SORCS2: variants seen among roughly 807,000 people sequenced by gnomAD.
SORCS2 encodes the protein sortilin related VPS10 domain containing receptor 2, also known as VPS10 domain-containing receptor SorCS2.
SORCS2 carries 100 observed loss-of-function variants against 141.6 expected under a neutral mutation model. The ratio of observed to expected loss-of-function variants is 0.71; its 90% CI spans 0.60 to 0.83. The LOEUF is 0.83. SORCS2 is among the 40% of genes least tolerant of loss of function. The pLI is 0.00. For missense variants in SORCS2, 1,646 were observed against 1,560.2 expected (o/e 1.05, Z -0.93); for synonymous variants, 789 against 676.9 (o/e 1.17, Z -2.57).
chr4:7,664,390 C>T lies in SORCS2; in HGVS notation c.990C>T (p.Ser330=), dbSNP rs187216479. 5.7e-5 allele frequency: 92 copies of T among 1,613,810 alleles called. No homozygotes were observed. The highest frequency in any genetic ancestry group is 1.6e-4 in the Middle Eastern group (1 of 6,062). Residue 330 remains serine (S), a synonymous_variant, in exon 7 of 27, where the codon TCC becomes TCT. Coordinates refer to ENST00000507866, the MANE Select transcript of SORCS2 (RefSeq NM_020777.3). The surrounding 1 kb of genome is among the most constrained non-coding windows in gnomAD (Gnocchi z 4.7). ...RYVTCAIHNC[S]EKMLTAPFAG... is the part of the protein sequence containing the mutation. ...TCACCTGCGCAATCCACAATTGCTC[C>T]GAGAAGATGCTGACAGCCCCATTCG...
chr4:7,222,336 C>T (rs374194215), intron 1 of SORCS2, among the ~76,000 whole-genome samples: 5 of 152,130 alleles, frequency 3.3e-5, no homozygotes, highest in Non-Finnish European at 5.9e-5. Flanking sequence ...ACACCTGATA[C>T]GTGATGAACC....
chr4:7,392,003 G>A (rs998997982), intron 1 of SORCS2, among the ~76,000 whole-genome samples: 1 of 152,154 alleles, frequency 6.6e-6, no homozygotes, highest in Non-Finnish European at 1.5e-5. Flanking sequence ...GTTATTTACA[G>A]GGTTCAGCAC....
At chr4:7,269,421 A>G (rs760564765) in intron 1 of SORCS2, among the ~76,000 whole-genome samples, 1 of 152,214 alleles carries the variant, frequency 6.6e-6, no homozygotes, top group Non-Finnish European at 1.5e-5. Context: ...AACCCCTCCC[A>G]GTATCTGTGA....
chr4:7,619,731 C>T (rs567977249), intron 3 of SORCS2, among the ~76,000 whole-genome samples: 2 of 152,234 alleles, frequency 1.3e-5, no homozygotes, highest in East Asian at 1.9e-4. Flanking sequence ...CAAGGAGGCT[C>T]GGAGGCTCTG....
chr4:7,285,496 C>T (rs963806953), intron 1 of SORCS2, among the ~76,000 whole-genome samples: 1 of 152,246 alleles, frequency 6.6e-6, no homozygotes, highest in African/African-American at 2.4e-5. Flanking sequence ...CACCACTGCA[C>T]GGAGCGCCTG....
intron 12 of SORCS2, among the ~76,000 whole-genome samples, chr4:7,701,295 G>A (rs549240163): frequency 1.3e-5 from 2 of 152,056 alleles, no homozygotes; most frequent in South Asian, 4.2e-4. Context: ...GAAGAGGGAG[G>A]GAAGGTTTTG....
At chr4:7,731,692 G>T (rs191067954) in intron 23 of SORCS2, among the ~76,000 whole-genome samples, 17 of 152,284 alleles carry the variant, frequency 1.1e-4, no homozygotes, top group African/African-American at 4.1e-4. Flanking sequence ...CAATAAAGCT[G>T]TCAAGAAGAC....
intron 1 of SORCS2, among the ~76,000 whole-genome samples, chr4:7,309,519 T>C (rs1407630648): frequency 6.6e-6 from 1 of 152,190 alleles, no homozygotes; most frequent in African/African-American, 2.4e-5. Flanking sequence ...CGATGGGCTC[T>C]TTGTCGGAAG....
At chr4:7,506,873 A>G (rs1438657952) in intron 2 of SORCS2, among the ~76,000 whole-genome samples, 1 of 152,222 alleles carries the variant, frequency 6.6e-6, no homozygotes, top group Non-Finnish European at 1.5e-5. Flanking sequence ...AATGAAACAA[A>G]GCAGCATAGG....
chr4:7,474,159 G>A (rs971626530), intron 2 of SORCS2, among the ~76,000 whole-genome samples: 38 of 152,204 alleles, frequency 2.5e-4, no homozygotes, highest in African/African-American at 8.2e-4. Flanking sequence ...CCTGCTCAGC[G>A]CTCAGTAGAT....
chr4:7,238,656 G>T (rs1331599780), intron 1 of SORCS2, among the ~76,000 whole-genome samples: 3 of 152,246 alleles, frequency 2.0e-5, no homozygotes, highest in Non-Finnish European at 4.4e-5. Context: ...GGTTGTGTTT[G>T]TGTTAATCTG....
chr4:7,632,392 C>T (rs1188215537), intron 3 of SORCS2, among the ~76,000 whole-genome samples: 1 of 152,170 alleles, frequency 6.6e-6, no homozygotes, highest in Non-Finnish European at 1.5e-5. Flanking sequence ...GGCTGCTGCC[C>T]AATTTGGAGG....
rs189165714 is a variant in SORCS2 at position 7,453,375 on chromosome 4, G to A, written c.548+57020G>A. The stretch of plus-strand genomic sequence containing the variant: ...GCTGGGGTCAGGAGCTGTGTGTTGG[G>A]GTCAGGCACTGTGTTGGGGTCAGGA... On this transcript the variant is annotated intron_variant, in intron 2 of 26. Transcript: ENST00000507866. Among the ~76,000 whole-genome samples the A allele has an allele frequency of 5.3e-3, 724 of 136,714 alleles. 2 individuals carry two copies. The highest frequency in any genetic ancestry group is 0.017 in the Middle Eastern group (3 of 174). 89.7% of individuals were successfully genotyped at this position (136,714 alleles called of 152,430 possible).
intron 2 of SORCS2, among the ~76,000 whole-genome samples, chr4:7,497,924 G>A (rs1433244773): frequency 3.3e-5 from 5 of 152,262 alleles, no homozygotes; most frequent in Admixed American, 1.3e-4. Context: ...TAAGAAATGC[G>A]TTTCACTGAA....
chr4:7,334,354 C>T (rs561355259), intron 1 of SORCS2, among the ~76,000 whole-genome samples: 3 of 152,038 alleles, frequency 2.0e-5, no homozygotes, highest in Non-Finnish European at 4.4e-5. Context: ...TACACTCCTC[C>T]CTGTCCCCCT....
chr4:7,670,002 T>G (rs961723604), intron 8 of SORCS2, among the ~76,000 whole-genome samples: 1 of 152,262 alleles, frequency 6.6e-6, no homozygotes, highest in African/African-American at 2.4e-5. Flanking sequence ...TAAACAGTGC[T>G]GCAATGAATC....
rs115851638 is a variant in SORCS2, at chr4:7,342,127, C to T, written c.481-54161C>T. Among the ~76,000 whole-genome samples, 654 of 152,274 alleles carry T rather than the reference C, an allele frequency of 4.3e-3. 5 individuals carry two copies. Among genetic ancestry groups the T allele is most frequent in the African/African-American group, 0.015 (618 of 41,536 alleles). On this transcript the variant is annotated intron_variant, in intron 1 of 26. Transcript: ENST00000507866. ...TGATGAACAATTGTGTTGTCCATCT[C>T]GGGTATTTGGGAAAGGCCTCGCCCA...
At chr4:7,635,992 TG>T (rs1417445151) in intron 3 of SORCS2, among the ~76,000 whole-genome samples, 1 of 152,278 alleles carries the variant, frequency 6.6e-6, no homozygotes, top group African/African-American at 2.4e-5. Flanking sequence ...TATTGATTTT[TG>T]CTCCATGAGC....
At chr4:7,278,670 C>T (rs1216520277) in intron 1 of SORCS2, among the ~76,000 whole-genome samples, 1 of 152,226 alleles carries the variant, frequency 6.6e-6, no homozygotes, top group Non-Finnish European at 1.5e-5. Flanking sequence ...GGGCCCAGCA[C>T]ATGCGCTTAT....
Sources: gnomAD v4.1 joint callset for allele counts (sites outside exome capture counted in the v4.1 genomes callset) on GRCh38, gnomAD v4.1.1 for gene constraint, Gnocchi (gnomAD v3.1) non-coding constraint, MANE v1.5 for transcripts, NCBI Gene and HGNC (gene_info 2026-07-23, HGNC 2026-07-21) for gene names.